The following ENTPD5 variants were observed in gnomAD, a reference collection of about 807,000 sequenced individuals.
ENTPD5 encodes the protein nucleoside diphosphate phosphatase ENTPD5.
Under a neutral mutation model 60.2 loss-of-function variants are expected in ENTPD5, and 49 were observed. That is an observed-to-expected ratio of 0.81 (90% CI 0.65 to 1.03). The LOEUF (loss-of-function observed/expected upper bound fraction) is 1.03, where lower values mean the gene tolerates loss of function less well. Ranked by LOEUF, ENTPD5 falls within the 50% of genes least tolerant of loss-of-function variation. ENTPD5 has a pLI of 0.00. For synonymous variants in ENTPD5, 187 were observed against 185.4 expected (o/e 1.01, Z -0.07); for missense variants, 480 against 507.6 (o/e 0.95, Z 0.52).
At chr14:73,961,620 C>G (rs749870308), downstream of ENTPD5, 6 of 1,606,294 alleles carry the variant, frequency 3.7e-6, no homozygotes, top group African/African-American at 8.0e-5. Context: ...TATAGTTAGG[C>G]AAGATCAGGG....
intron 3 of ENTPD5, among the ~76,000 whole-genome samples, chr14:73,997,839 T>C (rs913786740): frequency 1.3e-5 from 2 of 152,138 alleles, no homozygotes; most frequent in Non-Finnish European, 2.9e-5. Context: ...ACACCAGTAA[T>C]TGAATCCCAA....
intron 6 of ENTPD5, among the ~76,000 whole-genome samples, chr14:73,978,652 G>T (rs2057543579): frequency 6.6e-6 from 1 of 151,534 alleles, no homozygotes; most frequent in Non-Finnish European, 1.5e-5. Context: ...CCTTCCAGTG[G>T]CTTCCTTCTT....
At chr14:73,956,284 C>A, downstream of ENTPD5, 1 of 260,344 alleles carries the variant, frequency 3.8e-6, no homozygotes, top group Non-Finnish European at 7.6e-6. Flanking sequence ...GCCGAGATCA[C>A]GCCACTGCAC....
At chr14:73,957,960 C>T, downstream of ENTPD5, 1 of 594,054 alleles carries the variant, frequency 1.7e-6, no homozygotes, top group Non-Finnish European at 3.0e-6. Context: ...CTTTTTTTGA[C>T]ATTGAGTTAT....
chr14:74,005,788 C>A lies in ENTPD5; in HGVS notation c.-71+5303G>T, dbSNP rs140897396. ...TGCCACTGCACTCCAGCCTGGGAGACAGAGCAGGACTCCATTTCAAAAAAA... is the reference window on the plus strand; with the variant it reads ...TGCCACTGCACTCCAGCCTGGGAGAAAGAGCAGGACTCCATTTCAAAAAAA... On this transcript the variant is annotated intron_variant, in intron 3 of 15. Transcript: ENST00000334696. Among the ~76,000 whole-genome samples, 20 of 152,080 alleles carry A rather than the reference C, an allele frequency of 1.3e-4. 1 individual carries two copies. Among genetic ancestry groups the A allele is most frequent in the African/African-American group, 4.8e-4 (20 of 41,482 alleles).
At chr14:73,994,495 G>A (rs1471100800) in intron 3 of ENTPD5, among the ~76,000 whole-genome samples, 1 of 151,782 alleles carries the variant, frequency 6.6e-6, no homozygotes, top group Non-Finnish European at 1.5e-5. Flanking sequence ...AGCACTTTGG[G>A]AGGCCGAGGT....
Position 73,971,896 on chromosome 14 carries a change from C to T in ENTPD5, c.1040G>A (p.Gly347Glu), listed in dbSNP as rs143609351. The T allele has an allele frequency of 2.6e-5, 42 of 1,594,214 alleles. No individual in the cohort carries two copies. Among genetic ancestry groups the T allele is most frequent in the Non-Finnish European group, 3.4e-5 (40 of 1,162,048 alleles). The change falls in exon 14 of 16, where the codon GGG becomes GAG. Residue 347 changes from glycine (G) to glutamate (E), a missense_variant. Transcript: ENST00000334696. ...AAAATCTTCAACTTTTAAAATACCC[C>T]CCTTTTCATAATCTGAAATAAAACA... ...VDTDMIDYEK[G>E]GILKVEDFER...
intron 3 of ENTPD5, among the ~76,000 whole-genome samples, chr14:74,005,785 A>T (rs2058663124): frequency 6.6e-6 from 1 of 152,040 alleles, no homozygotes; most frequent in African/African-American, 2.4e-5. Flanking sequence ...CCAGCCTGGG[A>T]GACAGAGCAG....
At chr14:73,967,842 A>C (rs1303123371) in intron 15 of ENTPD5, among the ~76,000 whole-genome samples, 1 of 150,160 alleles carries the variant, frequency 6.7e-6, no homozygotes, top group African/African-American at 2.4e-5. Flanking sequence ...CGAACAAAAA[A>C]GGCCAGGAGT....
chr14:73,962,607 C>CTCCTTTTT (rs2056796041), downstream of ENTPD5: 1 of 200,796 alleles, frequency 5.0e-6, no homozygotes, highest in Non-Finnish European at 1.0e-5. Flanking sequence ...GATGTTTAAG[C>CTCCTTTTT]TCCTTTTGCT....
intron 1 of ENTPD5, among the ~76,000 whole-genome samples, chr14:74,018,179 G>GA (rs35872561): frequency 0.26 from 31,809 of 122,404 alleles, 3,697 homozygotes; most frequent in South Asian, 0.31. Context: ...CTCTCTCTCA[G>GA]AAAAAAAAAA....
At chr14:73,996,570 A>G (rs1845453952) in intron 3 of ENTPD5, 1 of 151,864 alleles carries the variant, frequency 6.6e-6, no homozygotes. Context: ...GCATGTACTG[A>G]GTATCTAATA....
intron 3 of ENTPD5, among the ~76,000 whole-genome samples, chr14:74,008,173 C>A (rs1244439309): frequency 6.6e-6 from 1 of 151,786 alleles, no homozygotes; most frequent in Non-Finnish European, 1.5e-5. Context: ...TTTCTTAGAT[C>A]ATTGTCAAAG....
chr14:73,967,030 A>G lies in ENTPD5; in HGVS notation c.1201-16T>C. ...TCTTTGTGAGCTGTTGAGAAGAAAA[A>G]AAGTCTTCACCTTTTCATCCAGTTT... On this transcript the variant is annotated splice_polypyrimidine_tract_variant and intron_variant, in intron 15 of 15. Transcript: ENST00000334696. The G allele has an allele frequency of 6.2e-7, 1 of 1,610,022 alleles. No individual in the cohort carries two copies. Among genetic ancestry groups the G allele is most frequent in the Non-Finnish European group, 8.5e-7 (1 of 1,176,454 alleles).
At chr14:73,961,819 A>G (rs1460839473), downstream of ENTPD5, 1 of 1,614,024 alleles carries the variant, frequency 6.2e-7, no homozygotes, top group Non-Finnish European at 8.5e-7. Flanking sequence ...ACTTACTAAA[A>G]AGGCTCTATT....
At chr14:73,956,232 G>A (rs546953112), downstream of ENTPD5, 123 of 350,990 alleles carry the variant, frequency 3.5e-4, 2 homozygotes, top group Admixed American at 4.7e-3. Context: ...GGAGGCTGAG[G>A]CAGGAGAATG....
At chr14:73,977,125 GTTT>G in intron 7 of ENTPD5, 66 bp from the exon 8 acceptor site, 3 of 1,162,042 alleles carry the variant, frequency 2.6e-6, no homozygotes, top group Non-Finnish European at 3.6e-6. Flanking sequence ...CCCCAACCTT[GTTT>G]TTTTTTTTTC....
At chr14:73,958,421 C>T (rs922848308), downstream of ENTPD5, 1 of 1,514,762 alleles carries the variant, frequency 6.6e-7, no homozygotes, top group African/African-American at 1.4e-5. Context: ...TTCAGGCCAG[C>T]TCAAGTGGAG....
At chr14:73,970,152 T>C in intron 14 of ENTPD5, 27 bp from the exon 15 acceptor site, 1 of 1,535,192 alleles carries the variant, frequency 6.5e-7, no homozygotes, top group African/African-American at 1.4e-5. Flanking sequence ...ACAGTGGAGC[T>C]CAAGTTTGCA....
Sources: gnomAD v4.1 joint callset for allele counts (sites outside exome capture counted in the v4.1 genomes callset) on GRCh38, gnomAD v4.1.1 for gene constraint, MANE v1.5 for transcripts, NCBI Gene and HGNC (gene_info 2026-07-23, HGNC 2026-07-21) for gene names.